STAU2: variants seen among roughly 807,000 people sequenced by gnomAD.
The protein encoded by STAU2 is staufen double-stranded RNA binding protein 2.
A neutral mutation model predicts 65.9 loss-of-function variants in STAU2; 20 were observed. The ratio of observed to expected loss-of-function variants is 0.30; its 90% confidence interval spans 0.21 to 0.44. The LOEUF (loss-of-function observed/expected upper bound fraction) is 0.44, where lower values mean the gene tolerates loss of function less well. Among genes scored for constraint, STAU2 ranks in the 20% least tolerant of loss-of-function variants. STAU2 has a pLI of 1.00. For synonymous variants in STAU2, 232 were observed against 233.9 expected (o/e 0.99, Z 0.07); for missense variants, 558 against 683.9 (o/e 0.82, Z 2.05).
chr8:73,688,524 G>GTGTGTGTGTGTGTGTGTGTGTGTT, intron 5 of STAU2, 130 bp downstream of exon 5: 3 of 764,758 alleles, frequency 3.9e-6, no homozygotes, highest in Non-Finnish European at 6.5e-6. Context: ...GTGTGTGTGT[G>GTGTGTGTGTGTGTGTGTGTGTGTT]TGTGTGTAGG....
chr8:73,442,353 CAAAAAAAAAAA>C (rs10606663), intron 13 of STAU2, among the ~76,000 whole-genome samples: 2 of 100,160 alleles, frequency 2.0e-5, no homozygotes, highest in African/African-American at 7.3e-5. Context: ...GACTCCGTCT[CAAAAAAAAAAA>C]AAAAAAAAAA....
rs7002250 is a variant in STAU2 at position 73,734,139 on chromosome 8, A to C, written c.-18+4145T>G. On this transcript the variant is annotated intron_variant, in intron 3 of 14. Coordinates refer to ENST00000524300, the MANE Select transcript of STAU2 (RefSeq NM_001164380.2). ...AAAAACATACCTGCATAGAAAAAAA[A>C]TCTAGAAGTATACACCCCAAAATGT... is the stretch of plus-strand genomic sequence containing the variant. Among the ~76,000 whole-genome samples the C allele has an allele frequency of 6.6e-3, 1,008 of 152,078 alleles. 21 individuals are homozygous for C. The highest frequency in any genetic ancestry group is 0.023 in the African/African-American group (959 of 41,532).
At chr8:73,426,528 T>C (rs1404101534) in intron 13 of STAU2, among the ~76,000 whole-genome samples, 1 of 152,208 alleles carries the variant, frequency 6.6e-6, no homozygotes, top group Non-Finnish European at 1.5e-5. Flanking sequence ...AAGATCAACC[T>C]TTTTAGCTTC....
chr8:73,669,131 G>A (rs1457500776), intron 6 of STAU2: 2 of 701,308 alleles, frequency 2.9e-6, no homozygotes, highest in Admixed American at 4.0e-5. Flanking sequence ...AAATAAATAT[G>A]AGAAATCATG....
chr8:73,675,346 G>A (rs1310364251), intron 5 of STAU2: 4 of 147,156 alleles, frequency 2.7e-5, no homozygotes, highest in African/African-American at 1.0e-4. Context: ...AAGTCTGAAA[G>A]AGCACAAATA....
chr8:73,427,171 G>T (rs542827686), intron 13 of STAU2, among the ~76,000 whole-genome samples: 2 of 151,840 alleles, frequency 1.3e-5, no homozygotes, highest in East Asian at 1.9e-4. Context: ...CAGGTGACCC[G>T]CCTGCCTCAG....
At chr8:73,544,526 A>C (rs989978317) in intron 13 of STAU2, among the ~76,000 whole-genome samples, 3 of 152,202 alleles carry the variant, frequency 2.0e-5, no homozygotes, top group Non-Finnish European at 2.9e-5. Context: ...TTTCTAAAAC[A>C]CCATGCCCTT....
intron 3 of STAU2, 32 bp downstream of exon 3, chr8:73,738,252 T>C (rs776517464): frequency 1.9e-6 from 3 of 1,580,280 alleles, no homozygotes; most frequent in Non-Finnish European, 2.6e-6. Context: ...AAGCACCATG[T>C]AAGCATGAAA....
intron 13 of STAU2, among the ~76,000 whole-genome samples, chr8:73,447,481 G>A (rs1164192408): frequency 3.9e-5 from 6 of 152,174 alleles, no homozygotes; most frequent in Non-Finnish European, 7.3e-5. Context: ...TTTAGATTGT[G>A]TCCAGTTCTT....
At chr8:73,442,277 T>C (rs1226049207) in intron 13 of STAU2, among the ~76,000 whole-genome samples, 4 of 149,488 alleles carry the variant, frequency 2.7e-5, no homozygotes, top group Non-Finnish European at 5.9e-5. Flanking sequence ...TGGTGTGAAC[T>C]TGGAAGGTGG....
At chr8:73,733,344 T>C (rs1365299763) in intron 3 of STAU2, among the ~76,000 whole-genome samples, 1 of 152,202 alleles carries the variant, frequency 6.6e-6, no homozygotes, top group Non-Finnish European at 1.5e-5. Flanking sequence ...CACCAGCTAA[T>C]CTCCAAAACT....
chr8:73,536,575 A>C (rs1806197931), intron 13 of STAU2, among the ~76,000 whole-genome samples: 1 of 152,088 alleles, frequency 6.6e-6, no homozygotes, highest in Non-Finnish European at 1.5e-5. Flanking sequence ...TGTGACAGAG[A>C]AGGCCAAATG....
At chr8:73,525,669 G>C (rs1270446619) in intron 13 of STAU2, among the ~76,000 whole-genome samples, 1 of 152,228 alleles carries the variant, frequency 6.6e-6, no homozygotes, top group African/African-American at 2.4e-5. Context: ...TCTGTGAACA[G>C]TGGGTTGCTC....
At chr8:73,692,273 T>C (rs1435628823) in intron 4 of STAU2, among the ~76,000 whole-genome samples, 1 of 151,842 alleles carries the variant, frequency 6.6e-6, no homozygotes, top group African/African-American at 2.4e-5. Flanking sequence ...TCTCGTCTCA[T>C]TGCAACCTCC....
chr8:73,468,094 G>T (rs1240895484), intron 13 of STAU2, among the ~76,000 whole-genome samples: 2 of 152,162 alleles, frequency 1.3e-5, no homozygotes, highest in Non-Finnish European at 2.9e-5. Flanking sequence ...GCATGGTACT[G>T]GTACCAAAAC....
intron 11 of STAU2, 91 bp downstream of exon 11, chr8:73,595,075 A>G: frequency 8.7e-7 from 1 of 1,148,746 alleles, no homozygotes; most frequent in Non-Finnish European, 1.2e-6. Flanking sequence ...GTTAAAATTG[A>G]CATTTACTTT....
chr8:73,524,404 T>C (rs1823231140), intron 13 of STAU2, among the ~76,000 whole-genome samples: 1 of 152,152 alleles, frequency 6.6e-6, no homozygotes, highest in South Asian at 2.1e-4. Flanking sequence ...CATCAGCATA[T>C]AGATGGTATT....
intron 6 of STAU2, among the ~76,000 whole-genome samples, chr8:73,662,101 C>CTT (rs1304338605): frequency 6.6e-6 from 1 of 152,102 alleles, no homozygotes; most frequent in Non-Finnish European, 1.5e-5. Context: ...TGTTGTCAGT[C>CTT]TTTTTAAACT....
At chr8:73,686,563 A>G (rs1440197499) in intron 5 of STAU2, among the ~76,000 whole-genome samples, 1 of 151,116 alleles carries the variant, frequency 6.6e-6, no homozygotes, top group Non-Finnish European at 1.5e-5. Flanking sequence ...AAAAAAAAAA[A>G]CAATGGATTT....
Sources: allele counts gnomAD v4.1 joint callset (sites outside exome capture counted in the v4.1 genomes callset), GRCh38; gene constraint gnomAD v4.1.1; transcripts MANE v1.5; gene names NCBI Gene and HGNC (gene_info 2026-07-23, HGNC 2026-07-21).